Variants in RALYL observed in about 807,000 individuals in gnomAD.
The protein encoded by RALYL is RALY RNA binding protein like.
RALYL carries 29 observed loss-of-function variants against 35.1 expected under a neutral mutation model. That is an observed-to-expected ratio of 0.83 (90% confidence interval 0.61 to 1.13). The LOEUF is 1.13. Among genes scored for constraint, RALYL ranks in the 50% most tolerant of loss-of-function variants. The pLI is 0.00. For missense variants in RALYL, 359 were observed against 360.4 expected (o/e 1.00, Z 0.03); for synonymous variants, 120 against 127.6 (o/e 0.94, Z 0.40).
At chr8:84,722,385 A>T (rs1358614702) in intron 2 of RALYL, among the ~76,000 whole-genome samples, 1 of 151,768 alleles carries the variant, frequency 6.6e-6, no homozygotes, top group African/African-American at 2.4e-5. Context: ...CTTAGCTGAG[A>T]TGATTAGAAC....
intron 2 of RALYL, among the ~76,000 whole-genome samples, chr8:84,711,725 G>A (rs144690981): frequency 1.3e-5 from 2 of 152,134 alleles, no homozygotes; most frequent in Admixed American, 6.6e-5. Flanking sequence ...GTAATTTTTA[G>A]AATATGACTT....
chr8:84,323,852 C>T (rs544388936), intron 1 of RALYL, among the ~76,000 whole-genome samples: 1 of 152,182 alleles, frequency 6.6e-6, no homozygotes, highest in African/African-American at 2.4e-5. Flanking sequence ...ATGAGTGCTA[C>T]AATATGACTC....
chr8:84,228,174 A>C (rs1192780884), intron 1 of RALYL, among the ~76,000 whole-genome samples: 1 of 127,368 alleles, frequency 7.9e-6, no homozygotes, highest in Non-Finnish European at 1.6e-5. Flanking sequence ...AAAAAAAAAA[A>C]AATGTGATTG....
chr8:84,917,795 A>C (rs1305337806), intron 8 of RALYL, among the ~76,000 whole-genome samples: 1 of 151,990 alleles, frequency 6.6e-6, no homozygotes, highest in Admixed American at 6.6e-5. Context: ...TGAGCCTAAA[A>C]ATGTAACGTA....
At chr8:84,913,616 A>G (rs961025760) in intron 8 of RALYL, among the ~76,000 whole-genome samples, 1 of 152,036 alleles carries the variant, frequency 6.6e-6, no homozygotes, top group Non-Finnish European at 1.5e-5. Flanking sequence ...CATAAAACAG[A>G]TTAAACCCAA....
chr8:84,192,792 G>A (rs1473155994), intron 1 of RALYL, among the ~76,000 whole-genome samples: 3 of 151,026 alleles, frequency 2.0e-5, no homozygotes, highest in African/African-American at 4.9e-5. Context: ...TCCTGACCTC[G>A]TGATCTGCCT....
At chr8:84,903,061 G>A (rs1845946911) in intron 8 of RALYL, among the ~76,000 whole-genome samples, 3 of 151,960 alleles carry the variant, frequency 2.0e-5, no homozygotes, top group Admixed American at 6.6e-5. Flanking sequence ...TTTTTTTAAC[G>A]ACTTGGTTAT....
chr8:84,409,369 C>T (rs1563871808), intron 1 of RALYL, among the ~76,000 whole-genome samples: 1 of 151,878 alleles, frequency 6.6e-6, no homozygotes, highest in Non-Finnish European at 1.5e-5. Flanking sequence ...TAATTAATTA[C>T]CTGAACTGGA....
intron 1 of RALYL, among the ~76,000 whole-genome samples, chr8:84,425,282 C>T (rs1587100532): frequency 6.6e-6 from 1 of 152,184 alleles, no homozygotes; most frequent in African/African-American, 2.4e-5. Flanking sequence ...GTCTGAAAAG[C>T]GCAATATTCG....
At chr8:84,399,562 A>C (rs2042684789) in intron 1 of RALYL, among the ~76,000 whole-genome samples, 1 of 152,240 alleles carries the variant, frequency 6.6e-6, no homozygotes, top group Admixed American at 6.5e-5. Flanking sequence ...TTCAGGTTTC[A>C]GCCCTCTGGT....
chr8:84,201,537 G>C (rs1472579948), intron 1 of RALYL, among the ~76,000 whole-genome samples: 1 of 151,712 alleles, frequency 6.6e-6, no homozygotes, highest in Non-Finnish European at 1.5e-5. Context: ...TTGCCTAATT[G>C]GGGGAGTAGT....
chr8:84,485,627 A>G (rs2054532211), intron 1 of RALYL, among the ~76,000 whole-genome samples: 1 of 152,052 alleles, frequency 6.6e-6, no homozygotes. Context: ...AGACCTATTT[A>G]TGTTTCAGTC....
intron 2 of RALYL, among the ~76,000 whole-genome samples, chr8:84,755,949 A>C (rs1446282421): frequency 1.3e-5 from 2 of 152,062 alleles, no homozygotes; most frequent in Non-Finnish European, 2.9e-5. Flanking sequence ...TCAAAGACAG[A>C]GTTTTAAATC....
chr8:84,201,985 G>T (rs1457615761), intron 1 of RALYL, among the ~76,000 whole-genome samples: 5 of 151,912 alleles, frequency 3.3e-5, no homozygotes, highest in African/African-American at 9.7e-5. Flanking sequence ...CTCACAACAG[G>T]TGTTAGGATT....
chr8:84,468,866 C>G lies in RALYL; in HGVS notation c.-23-60433C>G, dbSNP rs530913549. On this transcript the variant is annotated intron_variant, in intron 1 of 8. Coordinates refer to ENST00000521268, the MANE Select transcript of RALYL (RefSeq NM_173848.7). Reference sequence around the variant, plus strand: ...TTCTTTTTATTCTTTTTTCTCTAGACTTCCCTTCTCGCTTCATTTCATTCA... The same window carrying G: ...TTCTTTTTATTCTTTTTTCTCTAGAGTTCCCTTCTCGCTTCATTTCATTCA... 9.9e-5 allele frequency among the ~76,000 whole-genome samples: 15 copies of G among 152,096 alleles called. No individual in the cohort carries two copies. The South Asian group carries it at 2.9e-3, about 29-fold the overall frequency.
chr8:84,424,711 T>G (rs1209985553), intron 1 of RALYL, among the ~76,000 whole-genome samples: 1 of 152,064 alleles, frequency 6.6e-6, no homozygotes, highest in African/African-American at 2.4e-5. Flanking sequence ...ATGATGGTGA[T>G]GTACAGGTGG....
At chr8:84,680,973 T>G (rs1564362709) in intron 2 of RALYL, among the ~76,000 whole-genome samples, 1 of 152,032 alleles carries the variant, frequency 6.6e-6, no homozygotes, top group Non-Finnish European at 1.5e-5. Flanking sequence ...CTAGGGTTTT[T>G]ATGGTTTTAG....
In RALYL at chr8:84,658,794, G is replaced by A. The variant is rs537018067; in HGVS notation, c.257-115785G>A. 7.2e-5 allele frequency among the ~76,000 whole-genome samples: 11 copies of A among 152,158 alleles called. 2 individuals are homozygous for A. The highest frequency in any genetic ancestry group is 2.4e-4 in the African/African-American group (10 of 41,534). On this transcript the variant is annotated intron_variant, in intron 2 of 8. Coordinates refer to ENST00000521268, the MANE Select transcript of RALYL (RefSeq NM_173848.7). ...TCATATATGGTGTTGAGAGAAGAGG[G>A]GACGTATTGAAAGAGGAATTGGGGT... is the stretch of plus-strand genomic sequence containing the variant.
chr8:84,638,185 A>G (rs1165916154), intron 2 of RALYL, among the ~76,000 whole-genome samples: 2 of 152,010 alleles, frequency 1.3e-5, no homozygotes, highest in African/African-American at 4.8e-5. Flanking sequence ...ATACATGGAA[A>G]TTAAATAACC....
Sources: allele counts gnomAD v4.1 joint callset (sites outside exome capture counted in the v4.1 genomes callset), GRCh38; gene constraint gnomAD v4.1.1; transcripts MANE v1.5; gene names NCBI Gene and HGNC (gene_info 2026-07-23, HGNC 2026-07-21).